MEGF6: variants seen among roughly 807,000 people sequenced by gnomAD.
MEGF6 encodes the protein multiple EGF like domains 6.
In MEGF6, 184 loss-of-function variants were observed where a neutral mutation model predicts 207.1. The observed-to-expected ratio is 0.89, with a 90% CI of 0.79 to 1.00. MEGF6 has a LOEUF of 1.00. Among genes scored for constraint, MEGF6 ranks in the 50% least tolerant of loss-of-function variants. The probability of loss-of-function intolerance (pLI) is 0.00; values close to 1 mark genes in which losing one functional copy is unlikely to be tolerated. For missense variants in MEGF6, 2,282 were observed against 2,202.9 expected (o/e 1.04, Z -0.72); for synonymous variants, 1,038 against 910.0 (o/e 1.14, Z -2.53).
At position 3,501,940 on chromosome 1, in the gene MEGF6, G is replaced by C. The variant is rs368619765; in HGVS notation, c.2189-19C>G. On this transcript the variant is annotated intron_variant, in intron 17 of 36. Transcript: ENST00000356575. The stretch of plus-strand genomic sequence containing the variant: ...GGGCACTCTGCAGGAGAAAGCACGA[G>C]GGGCCTTAGCCGCACCACGTGGAGT... 9.5e-6 allele frequency: 14 copies of C among 1,475,202 alleles called. No homozygotes were observed. The highest frequency in any genetic ancestry group is 1.3e-5 in the Non-Finnish European group (14 of 1,105,332). 91.4% of individuals were successfully genotyped at this position (1,475,202 alleles called of 1,614,324 possible).
At position 3,508,658 on chromosome 1, in the gene MEGF6, G is replaced by A. The variant is rs1352381702; in HGVS notation, c.1560C>T (p.Cys520=). 1 of 1,613,500 alleles carries A rather than the reference G, an allele frequency of 6.2e-7. No homozygotes were observed. The highest frequency in any genetic ancestry group is 1.7e-5 in the Admixed American group (1 of 60,022). The change falls in exon 13 of 37, where the codon TGC becomes TGT. Residue 520 remains cysteine, a synonymous_variant. Transcript: ENST00000356575. ...VCLDDSFGHD[C]SLTCDDCRNG... ...TCCTGCAGTCATCACAGGTCAAGCT[G>A]CAGTCATGGCCAAAGGAGTCATCCA...
In MEGF6 at chr1:3,559,904, G is replaced by A. The variant is rs991541446; in HGVS notation, c.481+19921C>T. 7.9e-5 allele frequency among the ~76,000 whole-genome samples: 12 copies of A among 152,036 alleles called. No individual in the cohort carries two copies. In the South Asian group the frequency reaches 1.5e-3, roughly 18 times the overall value. On this transcript the variant is annotated intron_variant, in intron 4 of 36. Coordinates refer to ENST00000356575, the MANE Select transcript of MEGF6 (RefSeq NM_001409.4). ...CAAGTGCCTATAATCCCAGCTACTC[G>A]GGGGGCTGAGGCAGGAGAATGGCAT...
chr1:3,510,577 C>T (rs1243132554), intron 10 of MEGF6, among the ~76,000 whole-genome samples: 3 of 151,576 alleles, frequency 2.0e-5, no homozygotes, highest in Non-Finnish European at 4.4e-5. Context: ...ACACCCACAG[C>T]CCTGCACGCA....
intron 4 of MEGF6, among the ~76,000 whole-genome samples, chr1:3,549,111 C>CT (rs145857827): frequency 0.011 from 1,650 of 152,312 alleles, 33 homozygotes; most frequent in African/African-American, 0.037. Context: ...TGGCTCCGCG[C>CT]TGGGTGATCT....
At chr1:3,578,818 G>A (rs533400302) in intron 4 of MEGF6, among the ~76,000 whole-genome samples, 4 of 151,474 alleles carry the variant, frequency 2.6e-5, no homozygotes, top group Non-Finnish European at 5.9e-5. Flanking sequence ...CCAGCGGAAC[G>A]TGGAGTGGGC....
intron 4 of MEGF6, among the ~76,000 whole-genome samples, chr1:3,575,760 C>T (rs754140961): frequency 3.3e-5 from 5 of 152,224 alleles, no homozygotes; most frequent in Admixed American, 2.0e-4. Context: ...GCCCCCATGA[C>T]TCAACCACCT....
rs1389311836 is a variant in MEGF6, at chr1:3,560,064, A to G, written c.481+19761T>C. 6.7e-6 allele frequency among the ~76,000 whole-genome samples: 1 copy of G among 149,320 alleles called. No homozygotes were observed. Among genetic ancestry groups the G allele is most frequent in the East Asian group, 2.0e-4 (1 of 5,096 alleles). On this transcript the variant is annotated intron_variant, in intron 4 of 36. Coordinates refer to ENST00000356575, the MANE Select transcript of MEGF6 (RefSeq NM_001409.4). This position sits in a 1 kb window ranked among gnomAD's most constrained non-coding sequence, Gnocchi z 4.0. ...AAACACGATGAGCCCATCTCCTGGG[A>G]GTCGGGAGGTGCTCTCAGGGCAGGA...
chr1:3,603,612 T>C (rs1376074010), intron 1 of MEGF6, among the ~76,000 whole-genome samples: 1 of 152,006 alleles, frequency 6.6e-6, no homozygotes, highest in Non-Finnish European at 1.5e-5. Context: ...GCAGCAAGCC[T>C]GGCAGATCCC....
chr1:3,593,801 G>A (rs958015460), intron 3 of MEGF6, among the ~76,000 whole-genome samples: 3 of 152,002 alleles, frequency 2.0e-5, no homozygotes, highest in Non-Finnish European at 2.9e-5. Flanking sequence ...TGGGGGCTGG[G>A]ACCCCCTCCG....
chr1:3,510,118 T>G, intron 10 of MEGF6, 126 bp from the exon 11 acceptor site: 46 of 1,280,226 alleles, frequency 3.6e-5, no homozygotes, highest in Non-Finnish European at 4.4e-5. Flanking sequence ...GTAGCATCTC[T>G]TCAACCAGCC....
intron 29 of MEGF6, 113 bp downstream of exon 29, chr1:3,496,542 G>C (rs894025837): frequency 1.4e-6 from 2 of 1,465,972 alleles, no homozygotes; most frequent in African/African-American, 1.4e-5. Context: ...CCAGCCAGAG[G>C]GGGCTGAAGG....
At chr1:3,520,971 A>C (rs1557744828) in intron 5 of MEGF6, among the ~76,000 whole-genome samples, 1 of 152,096 alleles carries the variant, frequency 6.6e-6, no homozygotes, top group Non-Finnish European at 1.5e-5. Context: ...TGGGGAAGGA[A>C]GGGTGGATTT....
At chr1:3,606,328 G>A (rs529541034) in intron 1 of MEGF6, among the ~76,000 whole-genome samples, 8 of 152,218 alleles carry the variant, frequency 5.3e-5, no homozygotes, top group Admixed American at 2.6e-4. Flanking sequence ...GAAGGATTGC[G>A]TGTGTTTGCC....
At position 3,565,667 on chromosome 1, in the gene MEGF6, G is replaced by A. The variant is rs1434410712; in HGVS notation, c.481+14158C>T. On this transcript the variant is annotated intron_variant, in intron 4 of 36. Coordinates refer to ENST00000356575, the MANE Select transcript of MEGF6 (RefSeq NM_001409.4). The surrounding 1 kb of genome is among the most constrained non-coding windows in gnomAD (Gnocchi z 4.8). ...TTGCCCAGTTAAACAGAGTGGCATG[G>A]GGCTGTCCAGGATTCCCTGTCCCAG... 6.6e-6 allele frequency among the ~76,000 whole-genome samples: 1 copy of A among 151,918 alleles called. No individual in the cohort carries two copies. Among genetic ancestry groups the A allele is most frequent in the Non-Finnish European group, 1.5e-5 (1 of 68,018 alleles).
intron 4 of MEGF6, among the ~76,000 whole-genome samples, chr1:3,557,203 C>T (rs1032431981): frequency 1.3e-5 from 2 of 152,310 alleles, no homozygotes; most frequent in East Asian, 3.9e-4. Flanking sequence ...AAGACCTTGG[C>T]GTAAGCCCAG....
intron 1 of MEGF6, among the ~76,000 whole-genome samples, chr1:3,602,865 C>T (rs1021990581): frequency 3.3e-5 from 5 of 152,194 alleles, no homozygotes; most frequent in Non-Finnish European, 7.3e-5. Flanking sequence ...GCCCTAAGAC[C>T]TTGCAACACA....
chr1:3,615,735 G>C (rs947357), upstream of MEGF6, among the ~76,000 whole-genome samples: 36,474 of 152,158 alleles, frequency 0.24, 5,245 homozygotes, highest in Middle Eastern at 0.42. Context: ...CACCCACCTG[G>C]TCCCAGCCTC....
intron 4 of MEGF6, among the ~76,000 whole-genome samples, chr1:3,544,458 T>C (rs906855299): frequency 6.6e-6 from 1 of 152,144 alleles, no homozygotes; most frequent in African/African-American, 2.4e-5. Flanking sequence ...TTGGCTTCCC[T>C]GGGCTGGCCT....
intron 4 of MEGF6, chr1:3,531,337 G>A (rs1642161719): frequency 3.3e-6 from 4 of 1,210,198 alleles, no homozygotes; most frequent in Non-Finnish European, 3.1e-6. Context: ...GGCTCGGGCT[G>A]GTTCTGGGTT....
Sources: allele counts gnomAD v4.1 joint callset (sites outside exome capture counted in the v4.1 genomes callset), GRCh38; gene constraint gnomAD v4.1.1; non-coding constraint Gnocchi (gnomAD v3.1); transcripts MANE v1.5; gene names NCBI Gene and HGNC (gene_info 2026-07-23, HGNC 2026-07-21).